WDR41: variants seen among roughly 807,000 people sequenced by gnomAD.
The protein encoded by WDR41 is WD repeat domain 41.
Under a neutral mutation model 69.3 loss-of-function variants are expected in WDR41, and 63 were observed. The observed-to-expected ratio is 0.91, with a 90% CI of 0.74 to 1.12. The LOEUF is 1.12. WDR41 is among the 50% of genes most tolerant of loss of function. The probability of loss-of-function intolerance (pLI) is 0.00; values close to 1 mark genes in which losing one functional copy is unlikely to be tolerated. For synonymous variants in WDR41, 185 were observed against 192.1 expected, an observed-to-expected ratio of 0.96 and a Z score of 0.31; for missense variants, 543 against 534.5, an observed-to-expected ratio of 1.02 and a Z score of -0.16.
intron 1 of WDR41, chr5:77,491,943 G>C (rs1253348808): frequency 1.9e-6 from 1 of 540,302 alleles, no homozygotes; most frequent in Non-Finnish European, 3.2e-6. Context: ...GGACGGGGCC[G>C]GGGGTCTGCA....
chr5:77,489,388 G>C (rs1443697385), intron 2 of WDR41, 69 bp downstream of exon 2: 5 of 828,854 alleles, frequency 6.0e-6, no homozygotes, highest in Non-Finnish European at 9.3e-6. Context: ...AATTTTAAAG[G>C]TGTTTAACAT....
intron 2 of WDR41, among the ~76,000 whole-genome samples, chr5:77,467,804 C>A (rs553656022): frequency 6.6e-6 from 1 of 152,070 alleles, no homozygotes; most frequent in Non-Finnish European, 1.5e-5. Context: ...TTCCTTTTAT[C>A]ATAATTAATG....
chr5:77,517,592 A>G (rs532664906), intron 1 of WDR41, among the ~76,000 whole-genome samples: 37 of 150,236 alleles, frequency 2.5e-4, no homozygotes, highest in African/African-American at 8.8e-4. Context: ...GGACAACTAG[A>G]AAATTCTAAC....
At chr5:77,491,930 G>A (rs1373766112) in intron 1 of WDR41, 3 of 522,810 alleles carry the variant, frequency 5.7e-6, no homozygotes, top group South Asian at 2.7e-5. Context: ...TCAGCTAGCC[G>A]TGGGACGGGG....
At position 77,577,713 on chromosome 5, in the gene WDR41, A is replaced by G. The variant is rs577535196; in HGVS notation, c.42+42766T>C. On this transcript the variant is annotated intron_variant, in intron 1 of 5. Coordinates refer to the WDR41 transcript ENST00000509971. Reference sequence around the variant, plus strand: ...GCACTGTTCCTAGTGAAAGAATAAGAAAGCTGGGAGAAGCTCACCTGTGAT... The same window carrying G: ...GCACTGTTCCTAGTGAAAGAATAAGGAAGCTGGGAGAAGCTCACCTGTGAT... 2.6e-5 allele frequency among the ~76,000 whole-genome samples: 4 copies of G among 152,326 alleles called. No homozygotes were observed. In the South Asian group the frequency reaches 8.3e-4, roughly 32 times the overall value.
intron 8 of WDR41, among the ~76,000 whole-genome samples, chr5:77,443,229 G>A (rs896397726): frequency 5.3e-5 from 8 of 152,046 alleles, no homozygotes; most frequent in African/African-American, 1.4e-4. Flanking sequence ...TTATCTTTGC[G>A]CCCCTGGTAG....
intron 2 of WDR41, among the ~76,000 whole-genome samples, chr5:77,478,840 A>G (rs1256899985): frequency 4.0e-5 from 6 of 151,704 alleles, no homozygotes; most frequent in Non-Finnish European, 8.8e-5. Context: ...ATTAGGCAGG[A>G]GAAGGAAATA....
chr5:77,503,869 T>G (rs936751337), intron 1 of WDR41, among the ~76,000 whole-genome samples: 1 of 152,052 alleles, frequency 6.6e-6, no homozygotes, highest in African/African-American at 2.4e-5. Context: ...TGGGACACAC[T>G]TAAAGCAGTG....
intron 7 of WDR41, among the ~76,000 whole-genome samples, chr5:77,450,313 A>G (rs1318444339): frequency 6.6e-6 from 1 of 152,330 alleles, no homozygotes; most frequent in Non-Finnish European, 1.5e-5. Context: ...CTCAGTGAAG[A>G]CATAAGCAAC....
intron 1 of WDR41, among the ~76,000 whole-genome samples, chr5:77,564,383 G>A (rs1743581978): frequency 6.6e-6 from 1 of 152,136 alleles, no homozygotes; most frequent in African/African-American, 2.4e-5. Flanking sequence ...TTAAGACTCT[G>A]TCTATATAAA....
In WDR41 at chr5:77,433,119, T is replaced by G. The variant is rs1798790739; in HGVS notation, c.*16A>C. 3 of 1,604,986 alleles carry G rather than the reference T, an allele frequency of 1.9e-6. No individual in the cohort carries two copies. The South Asian group carries it at 3.4e-5, about 18-fold the overall frequency. ...GATGTTCAAGGTTCATGCATGTGTA[T>G]TTTTAATTCCTTAAACTAGACAGCA... On this transcript the variant is annotated 3_prime_UTR_variant, in exon 13 of 13. Coordinates refer to ENST00000296679, the MANE Select transcript of WDR41 (RefSeq NM_018268.4).
At chr5:77,615,949 C>T (rs1255165653) in intron 1 of WDR41, among the ~76,000 whole-genome samples, 2 of 152,012 alleles carry the variant, frequency 1.3e-5, no homozygotes, top group Non-Finnish European at 2.9e-5. Flanking sequence ...GGCGAGATCA[C>T]ACCACTGCAC....
intron 1 of WDR41, among the ~76,000 whole-genome samples, chr5:77,520,240 G>A (rs1173760117): frequency 6.6e-6 from 1 of 152,064 alleles, no homozygotes; most frequent in African/African-American, 2.4e-5. Context: ...GCTAATAAAC[G>A]TGCATTGACA....
intron 1 of WDR41, among the ~76,000 whole-genome samples, chr5:77,595,154 T>A (rs1580039340): frequency 6.8e-6 from 1 of 146,786 alleles, no homozygotes; most frequent in Non-Finnish European, 1.5e-5. Flanking sequence ...TAAGGTCTTC[T>A]TCGTGCTTCA....
intron 8 of WDR41, among the ~76,000 whole-genome samples, chr5:77,443,457 G>A (rs1454209874): frequency 2.6e-5 from 4 of 152,082 alleles, no homozygotes; most frequent in Non-Finnish European, 4.4e-5. Flanking sequence ...TGACTCCAAG[G>A]CCATAATAGG....
chr5:77,477,372 T>C (rs1800990150), intron 2 of WDR41, among the ~76,000 whole-genome samples: 1 of 138,106 alleles, frequency 7.2e-6, no homozygotes, highest in African/African-American at 3.0e-5. Flanking sequence ...AGAATATACA[T>C]TGTTTTCAGC....
At chr5:77,546,300 C>CT in intron 1 of WDR41, 1 of 277,442 alleles carries the variant, frequency 3.6e-6, no homozygotes, top group East Asian at 6.4e-5. Flanking sequence ...GTGAATGAAG[C>CT]TTGAAAAAAA....
At chr5:77,545,961 C>T in intron 1 of WDR41, 1 of 488,498 alleles carries the variant, frequency 2.0e-6, no homozygotes, top group Non-Finnish European at 3.6e-6. Context: ...TGGCTCCGTG[C>T]TGGTGACCTC....
chr5:77,466,806 ATTTT>A (rs201249403), intron 2 of WDR41, among the ~76,000 whole-genome samples: 2 of 135,238 alleles, frequency 1.5e-5, no homozygotes, highest in African/African-American at 5.4e-5. Context: ...TATTGCTACC[ATTTT>A]TTTTTTTTTT....
Sources: allele counts gnomAD v4.1 joint callset (sites outside exome capture counted in the v4.1 genomes callset), GRCh38; gene constraint gnomAD v4.1.1; transcripts MANE v1.5; gene names NCBI Gene and HGNC (gene_info 2026-07-23, HGNC 2026-07-21).